The following CELF2 variants were observed in gnomAD, a reference collection of about 807,000 sequenced individuals.
The protein encoded by CELF2 is CUGBP Elav-like family member 2.
In CELF2, 8 loss-of-function variants were observed where a neutral mutation model predicts 62.6. The observed-to-expected ratio is 0.13, with a 90% CI of 0.07 to 0.23. The LOEUF (loss-of-function observed/expected upper bound fraction) is 0.23. CELF2 is among the 10% of genes least tolerant of loss of function. The pLI is 1.00. For synonymous variants in CELF2, 258 were observed against 250.0 expected, an observed-to-expected ratio of 1.03 and a Z score of -0.30; for missense variants, 333 against 671.0, an observed-to-expected ratio of 0.50 and a Z score of 5.56.
intron 1 of CELF2, among the ~76,000 whole-genome samples, chr10:10,852,131 A>G (rs570927796): frequency 5.4e-4 from 82 of 152,380 alleles, no homozygotes; most frequent in African/African-American, 1.7e-3. Flanking sequence ...TTATATTTCT[A>G]TACAAATATG....
the CELF2 span, among the ~76,000 whole-genome samples, chr10:10,779,362 C>T: frequency 6.6e-5 from 10 of 152,318 alleles, no homozygotes; most frequent in East Asian, 1.7e-3. Context: ...CCCTGCACTT[C>T]GCACATGTAA....
chr10:10,770,586 T>A, the CELF2 span, among the ~76,000 whole-genome samples: 1 of 152,114 alleles, frequency 6.6e-6, no homozygotes, highest in Non-Finnish European at 1.5e-5. Flanking sequence ...AATCATAGAC[T>A]GTGGCCAGAA....
At chr10:10,525,662 T>A in the CELF2 span, among the ~76,000 whole-genome samples, 1 of 152,248 alleles carries the variant, frequency 6.6e-6, no homozygotes, top group South Asian at 2.1e-4. Context: ...ATGGAAGAAT[T>A]TCCCTCTTCT....
chr10:11,137,116 A>AGT (rs1303394477), intron 1 of CELF2, among the ~76,000 whole-genome samples: 8 of 152,358 alleles, frequency 5.3e-5, no homozygotes, highest in Non-Finnish European at 1.0e-4. Flanking sequence ...ACATGTGAAA[A>AGT]GTGTACAGCT....
the CELF2 span, among the ~76,000 whole-genome samples, chr10:10,483,982 TCC>T: frequency 3.7e-5 from 3 of 81,130 alleles, no homozygotes; most frequent in African/African-American, 5.4e-5. Flanking sequence ...TCTCTGTCCC[TCC>T]CTCCCTCCCT....
the CELF2 span, among the ~76,000 whole-genome samples, chr10:10,690,754 C>T: frequency 6.6e-6 from 1 of 152,044 alleles, no homozygotes; most frequent in Non-Finnish European, 1.5e-5. Context: ...GTGATGCACG[C>T]CTATAATACC....
chr10:11,270,770 T>C lies in CELF2; in HGVS notation c.723T>C (p.Thr241=). 2.6e-6 allele frequency: 4 copies of C among 1,552,662 alleles called. No homozygotes were observed. The highest frequency in any genetic ancestry group is 2.6e-6 in the Non-Finnish European group (3 of 1,144,766). Residue 241 remains threonine (T), a synonymous_variant, in exon 7 of 13, where the codon ACT becomes ACC. Coordinates refer to ENST00000633077, the MANE Select transcript of CELF2 (RefSeq NM_001326342.2). This position sits in a 1 kb window ranked among gnomAD's most constrained non-coding sequence, Gnocchi z 5.8. ...QLAQQMQQLN[T]ATWGNLTGLG... ...CTCAGCAGATGCAGCAGCTCAACAC[T>C]GCCACCTGGGGGAACCTGACAGGGC...
intron 1 of CELF2, among the ~76,000 whole-genome samples, chr10:11,121,187 T>A (rs751265926): frequency 2.0e-5 from 3 of 152,162 alleles, no homozygotes; most frequent in African/African-American, 7.2e-5. Flanking sequence ...TTTCCAGGCA[T>A]AGAAAACCAA....
chr10:10,522,587 A>G, the CELF2 span, among the ~76,000 whole-genome samples: 2 of 152,064 alleles, frequency 1.3e-5, no homozygotes, highest in East Asian at 3.9e-4. Context: ...TTTATTTGAG[A>G]TGGAGTTTTG....
intron 1 of CELF2, among the ~76,000 whole-genome samples, chr10:11,111,616 G>C (rs886412654): frequency 1.3e-5 from 2 of 152,098 alleles, no homozygotes; most frequent in African/African-American, 4.8e-5. Flanking sequence ...ATGCTTGTCT[G>C]TCTGATATGA....
intron 1 of CELF2, among the ~76,000 whole-genome samples, chr10:11,119,666 G>A (rs1258028973): frequency 6.6e-6 from 1 of 152,002 alleles, no homozygotes; most frequent in East Asian, 1.9e-4. Context: ...GGAAAAAAAT[G>A]AGTGAGGGAT....
intron 9 of CELF2, among the ~76,000 whole-genome samples, chr10:11,304,392 G>C (rs1007858781): frequency 7.2e-5 from 11 of 152,040 alleles, no homozygotes; most frequent in African/African-American, 2.4e-4. Context: ...AACTTTCCTA[G>C]TCCATTTTCT....
In CELF2 at chr10:11,315,663, G is replaced by A. The variant is rs1030290029; in HGVS notation, c.1096+1405G>A. Among the ~76,000 whole-genome samples the A allele has an allele frequency of 2.6e-5, 4 of 152,192 alleles. No homozygotes were observed. The highest frequency in any genetic ancestry group is 7.2e-5 in the African/African-American group (3 of 41,442). ...CCATACCTCCCAAATGGGACGGCTCGTGATTAGCGTGGAGCCCGTGAAGTG... is the reference window on the plus strand; with the variant it reads ...CCATACCTCCCAAATGGGACGGCTCATGATTAGCGTGGAGCCCGTGAAGTG... On this transcript the variant is annotated intron_variant, in intron 10 of 12. Transcript: ENST00000633077. This position sits in a 1 kb window ranked among gnomAD's most constrained non-coding sequence, Gnocchi z 5.8.
At chr10:11,114,981 C>T (rs1393619032) in intron 1 of CELF2, among the ~76,000 whole-genome samples, 1 of 152,218 alleles carries the variant, frequency 6.6e-6, no homozygotes, top group Non-Finnish European at 1.5e-5. Context: ...GTATATGTAC[C>T]TTCTGGCACA....
chr10:11,314,801 T>C lies in CELF2; in HGVS notation c.1096+543T>C, dbSNP rs1370074994. On this transcript the variant is annotated intron_variant, in intron 10 of 12. Coordinates refer to ENST00000633077, the MANE Select transcript of CELF2 (RefSeq NM_001326342.2). The surrounding 1 kb of genome is among the most constrained non-coding windows in gnomAD (Gnocchi z 5.3). Reference sequence around the variant, plus strand: ...ATGACAATTAAATAGGGGAGAAAATTAGGCCTTGGAAAGAAGGAAATGAAA... The same window carrying C: ...ATGACAATTAAATAGGGGAGAAAATCAGGCCTTGGAAAGAAGGAAATGAAA... The C allele has an allele frequency of 1.7e-5, 3 of 181,478 alleles. No individual in the cohort carries two copies. The highest frequency in any genetic ancestry group is 1.2e-4 in the South Asian group (1 of 8,304). The allele number at this position is 181,478 out of a possible 1,614,324, so 11.2% of individuals were successfully genotyped here.
At chr10:10,869,359 T>C (rs10752211) in intron 1 of CELF2, among the ~76,000 whole-genome samples, 90,172 of 151,818 alleles carry the variant, frequency 0.59, 28,198 homozygotes, top group East Asian at 0.97. Context: ...GTCAGGAGTT[T>C]GAGACCAGCC....
chr10:10,637,066 C>T, the CELF2 span, among the ~76,000 whole-genome samples: 1 of 152,102 alleles, frequency 6.6e-6, no homozygotes, highest in Non-Finnish European at 1.5e-5. Flanking sequence ...AGAGAAATCT[C>T]ATGGTTACAC....
intron 2 of CELF2, among the ~76,000 whole-genome samples, chr10:11,186,956 G>C (rs760401272): frequency 7.9e-5 from 12 of 152,102 alleles, no homozygotes; most frequent in Non-Finnish European, 1.3e-4. Flanking sequence ...AGACTTGTTT[G>C]ATGCCCCATA....
intron 1 of CELF2, chr10:10,918,089 G>T (rs2064519097): frequency 6.6e-6 from 1 of 152,196 alleles, no homozygotes; most frequent in Non-Finnish European, 1.5e-5. Context: ...GGCCAGAAAA[G>T]TTCATTCATT....
Sources: gnomAD v4.1 joint callset for allele counts (sites outside exome capture counted in the v4.1 genomes callset) on GRCh38, gnomAD v4.1.1 for gene constraint, Gnocchi (gnomAD v3.1) non-coding constraint, MANE v1.5 for transcripts, NCBI Gene and HGNC (gene_info 2026-07-23, HGNC 2026-07-21) for gene names.